Variants in UPP2 observed in about 807,000 individuals in gnomAD.
The protein encoded by UPP2 is uridine phosphorylase 2, also known as UPase 2.
UPP2 carries 23 observed loss-of-function variants against 26.7 expected under a neutral mutation model. That is an observed-to-expected ratio of 0.86 (90% confidence interval 0.62 to 1.22). The LOEUF (loss-of-function observed/expected upper bound fraction) is 1.22. Ranked by LOEUF, UPP2 falls within the 50% of genes most tolerant of loss-of-function variation. The pLI is 0.00. For missense variants in UPP2, 387 were observed against 396.7 expected (o/e 0.98, Z 0.21); for synonymous variants, 127 against 141.3 (o/e 0.90, Z 0.72).
chr2:158,110,604 T>C (rs1260882596), intron 2 of UPP2, among the ~76,000 whole-genome samples: 1 of 152,212 alleles, frequency 6.6e-6, no homozygotes, highest in Admixed American at 6.5e-5. Flanking sequence ...TCTTCCACAA[T>C]GGTTGAACTA....
chr2:158,105,913 C>A (rs1430049297), intron 1 of UPP2, among the ~76,000 whole-genome samples, 186 bp from the exon 2 acceptor site: 1 of 152,200 alleles, frequency 6.6e-6, no homozygotes, highest in Non-Finnish European at 1.5e-5. Context: ...GTTTTCTTGC[C>A]ATTTTCATGC....
chr2:158,052,927 AC>A (rs1262835317), intron 3 of UPP2, among the ~76,000 whole-genome samples: 1 of 152,250 alleles, frequency 6.6e-6, no homozygotes, highest in African/African-American at 2.4e-5. Context: ...AACTTTATTT[AC>A]AAAAACAGGC....
At chr2:158,096,327 G>A (rs1378332002) in intron 3 of UPP2, among the ~76,000 whole-genome samples, 1 of 152,188 alleles carries the variant, frequency 6.6e-6, no homozygotes, top group African/African-American at 2.4e-5. Flanking sequence ...GGCCAGGTGT[G>A]GTGGCTCACG....
rs776337419 is a variant in UPP2 at position 158,117,835 on chromosome 2, C to T, written c.351C>T (p.Gly117=). The change falls in exon 4 of 7, where the codon GGC becomes GGT. Residue 117 remains glycine, a synonymous_variant. Transcript: ENST00000005756. The part of the protein sequence containing the change: ...GPVLAISHGM[G]IPSISIMLHE... ...CTTTCTCTCAATAGCACGGCATGGG[C>T]ATCCCCTCCATTTCTATTATGCTTC... 6.2e-7 allele frequency: 1 copy of T among 1,610,750 alleles called. No individual in the cohort carries two copies. Among genetic ancestry groups the T allele is most frequent in the Non-Finnish European group, 8.5e-7 (1 of 1,177,078 alleles).
intron 3 of UPP2, among the ~76,000 whole-genome samples, chr2:158,063,571 AGCT>A (rs1245801082): frequency 4.7e-5 from 7 of 149,510 alleles, no homozygotes; most frequent in African/African-American, 1.7e-4. Flanking sequence ...CCTGGGGACC[AGCT>A]GTAGGATTAG....
chr2:158,031,541 C>G (rs1273280754), intron 3 of UPP2, among the ~76,000 whole-genome samples: 1 of 152,208 alleles, frequency 6.6e-6, no homozygotes, highest in African/African-American at 2.4e-5. Context: ...GAAACCTGAG[C>G]TGTTGGAACA....
rs192999409 is a variant in UPP2 at position 158,083,663 on chromosome 2, C to G, written c.148-18377C>G. Among the ~76,000 whole-genome samples the G allele has an allele frequency of 2.2e-3, 341 of 151,648 alleles. 1 individual carries two copies. The highest frequency in any genetic ancestry group is 2.7e-3 in the Non-Finnish European group (182 of 67,910). On this transcript the variant is annotated intron_variant, in intron 3 of 9. Coordinates refer to the UPP2 transcript ENST00000605860. ...GGCATGTGCATACCTATGAAACAAACCTGTAGGTTCTGTGCATGTATCCCA... is the reference window on the plus strand; with the variant it reads ...GGCATGTGCATACCTATGAAACAAAGCTGTAGGTTCTGTGCATGTATCCCA...
intron 3 of UPP2, among the ~76,000 whole-genome samples, chr2:158,019,101 A>G (rs1683704951): frequency 6.6e-6 from 1 of 152,246 alleles, no homozygotes; most frequent in Non-Finnish European, 1.5e-5. Flanking sequence ...TATGTGTCAT[A>G]GCCTATAATT....
chr2:158,042,980 T>C (rs546542744), intron 3 of UPP2, among the ~76,000 whole-genome samples: 2 of 152,348 alleles, frequency 1.3e-5, no homozygotes, highest in East Asian at 1.9e-4. Flanking sequence ...AAGCCAAATG[T>C]TGACAGTCTC....
chr2:158,068,923 T>C (rs1426364472), intron 3 of UPP2, among the ~76,000 whole-genome samples: 2 of 143,316 alleles, frequency 1.4e-5, no homozygotes, highest in African/African-American at 5.2e-5. Context: ...GTTCATGCCA[T>C]TCTCCTGCCT....
chr2:158,105,545 C>T (rs1255997817), intron 1 of UPP2, among the ~76,000 whole-genome samples: 3 of 152,148 alleles, frequency 2.0e-5, no homozygotes, highest in Admixed American at 6.5e-5. Context: ...AAGAAGAGTC[C>T]ATGAAGTGTC....
chr2:158,118,052 G>A, intron 4 of UPP2, 114 bp downstream of exon 4: 1 of 827,300 alleles, frequency 1.2e-6, no homozygotes, highest in Non-Finnish European at 1.9e-6. Flanking sequence ...GCTAAAAAGT[G>A]TCAGAAGGCT....
At chr2:158,060,569 G>T (rs1233867332) in intron 3 of UPP2, among the ~76,000 whole-genome samples, 3 of 152,168 alleles carry the variant, frequency 2.0e-5, no homozygotes, top group Non-Finnish European at 2.9e-5. Context: ...AAAATTCCAA[G>T]AAGTCAGCAT....
chr2:158,101,192 G>T (rs181047081), upstream of UPP2, among the ~76,000 whole-genome samples: 74 of 152,324 alleles, frequency 4.9e-4, no homozygotes, highest in Middle Eastern at 6.8e-3. Context: ...AGATCAGGAT[G>T]AAGTTGTCTA....
chr2:158,004,549 C>T lies in UPP2; in HGVS notation c.61+9290C>T, dbSNP rs80320282. Among the ~76,000 whole-genome samples the T allele has an allele frequency of 5.3e-5, 8 of 152,306 alleles. No homozygotes were observed. In the East Asian group the frequency reaches 7.7e-4, roughly 15 times the overall value. On this transcript the variant is annotated intron_variant, in intron 2 of 9. Coordinates refer to the UPP2 transcript ENST00000605860. ...TGAACAAACCCCTACAGGTCTGCTG[C>T]GACCAGTCACTATTCAGTGTGCTCG... is the stretch of plus-strand genomic sequence containing the variant.
intron 2 of UPP2, 33 bp downstream of exon 2, chr2:158,106,249 T>A (rs1023013567): frequency 1.3e-6 from 2 of 1,586,062 alleles, no homozygotes; most frequent in East Asian, 4.5e-5. Flanking sequence ...GAAAAATGAT[T>A]GAGTTTTCTC....
At chr2:158,059,687 GCA>G (rs1307534132) in intron 3 of UPP2, among the ~76,000 whole-genome samples, 16 of 152,164 alleles carry the variant, frequency 1.1e-4, no homozygotes, top group African/African-American at 3.6e-4. Context: ...ACAACGTCTG[GCA>G]CACAGAGCTC....
intron 3 of UPP2, among the ~76,000 whole-genome samples, chr2:158,075,354 G>C (rs1251784162): frequency 6.6e-6 from 1 of 151,928 alleles, no homozygotes; most frequent in Non-Finnish European, 1.5e-5. Context: ...AAATGTGAAT[G>C]TTTTAAGAGA....
upstream of UPP2, among the ~76,000 whole-genome samples, chr2:158,099,807 G>T (rs1683044870): frequency 6.6e-6 from 1 of 152,208 alleles, no homozygotes; most frequent in African/African-American, 2.4e-5. Flanking sequence ...CATAAAGGAA[G>T]ACGGTAGGAA....
Sources: gnomAD v4.1 joint callset for allele counts (sites outside exome capture counted in the v4.1 genomes callset) on GRCh38, gnomAD v4.1.1 for gene constraint, MANE v1.5 for transcripts, NCBI Gene and HGNC (gene_info 2026-07-23, HGNC 2026-07-21) for gene names.